Variants in C1QTNF7 observed in about 807,000 individuals in gnomAD.
C1QTNF7 encodes C1q and TNF related 7.
A neutral mutation model predicts 19.6 loss-of-function variants in C1QTNF7; 15 were observed. The ratio of observed to expected loss-of-function variants is 0.76; its 90% CI spans 0.51 to 1.18. C1QTNF7 has a LOEUF of 1.18. Among genes scored for constraint, C1QTNF7 ranks in the 50% most tolerant of loss-of-function variants. The pLI is 0.00. For missense variants in C1QTNF7, 324 were observed against 359.7 expected (o/e 0.90, Z 0.80); for synonymous variants, 142 against 137.5 (o/e 1.03, Z -0.23).
rs1231202027 is a variant in C1QTNF7, at chr4:15,372,408, C to T, written c.13+32201C>T. ...CTGCAAGTCAAGAAGAGAAGCCTCA[C>T]CAGAATCCAACCACGCTGGCACCCA... On this transcript the variant is annotated intron_variant, in intron 1 of 2. Coordinates refer to the C1QTNF7 transcript ENST00000295297. Among the ~76,000 whole-genome samples, 4 of 152,202 alleles carry T rather than the reference C, an allele frequency of 2.6e-5. 1 individual carries two copies. Among genetic ancestry groups the T allele is most frequent in the Admixed American group, 2.0e-4 (3 of 15,278 alleles).
chr4:15,428,746 C>T (rs770212717), intron 1 of C1QTNF7, among the ~76,000 whole-genome samples: 1 of 152,150 alleles, frequency 6.6e-6, no homozygotes, highest in Non-Finnish European at 1.5e-5. Context: ...AGGTCTCCAT[C>T]CTGTCCCAAT....
Position 15,435,806 on chromosome 4 carries a change from T to A in C1QTNF7, c.63T>A (p.Asn21Lys). The A allele has an allele frequency of 6.2e-7, 1 of 1,614,070 alleles. No homozygotes were observed. The highest frequency in any genetic ancestry group is 8.5e-7 in the Non-Finnish European group (1 of 1,180,016). The change falls in exon 2 of 3, where the codon AAT becomes AAA. Residue 21 changes from asparagine to lysine, a missense_variant. Coordinates refer to ENST00000444304, the MANE Select transcript of C1QTNF7 (RefSeq NM_031911.5). ...AICASGQPRG[N>K]QLKGENYSPR... ...GTGCCAGTGGACAACCCCGGGGTAA[T>A]CAGTTGAAAGGAGAGAACTACTCCC... is the stretch of plus-strand genomic sequence containing the variant.
In C1QTNF7 at chr4:15,391,494, T is replaced by C. The variant is rs75718653; in HGVS notation, c.14-44242T>C. ...GGCTATTTCCAAAGAGGGAATTGAGTGTTGGGTAAACAACAAAAGTCAGTG... is the reference window on the plus strand; with the variant it reads ...GGCTATTTCCAAAGAGGGAATTGAGCGTTGGGTAAACAACAAAAGTCAGTG... On this transcript the variant is annotated intron_variant, in intron 1 of 2. Transcript: ENST00000295297. 3.0e-3 allele frequency among the ~76,000 whole-genome samples: 464 copies of C among 152,186 alleles called. 3 individuals are homozygous for C. Among genetic ancestry groups the C allele is most frequent in the African/African-American group, 0.011 (444 of 41,502 alleles).
chr4:15,442,966 C>T lies in C1QTNF7; in HGVS notation c.*167C>T, dbSNP rs562975759. 8 of 616,684 alleles carry T rather than the reference C, an allele frequency of 1.3e-5. No homozygotes were observed. The South Asian group carries it at 2.6e-4, about 20-fold the overall frequency. The allele number at this position is 616,684 out of a possible 1,614,324, so 38.2% of individuals were successfully genotyped here. ...AGATGAAACACAGAAAAGTTGAAAC[C>T]ACAACAAAATGAATTCTATTAAAGA... On this transcript the variant is annotated 3_prime_UTR_variant, in exon 3 of 3. Coordinates refer to ENST00000444304, the MANE Select transcript of C1QTNF7 (RefSeq NM_031911.5).
chr4:15,415,002 A>G (rs1719543486), intron 1 of C1QTNF7, among the ~76,000 whole-genome samples: 1 of 152,240 alleles, frequency 6.6e-6, no homozygotes, highest in Non-Finnish European at 1.5e-5. Context: ...ATAAAACATG[A>G]GTGCGCATAC....
upstream of C1QTNF7, among the ~76,000 whole-genome samples, chr4:15,423,504 C>T (rs1276270338): frequency 6.6e-6 from 1 of 152,206 alleles, no homozygotes; most frequent in East Asian, 1.9e-4. Flanking sequence ...GTCATTTCAG[C>T]TGGTTGAAGT....
At chr4:15,349,635 CTTAAAG>C (rs1716837657) in intron 1 of C1QTNF7, among the ~76,000 whole-genome samples, 1 of 152,188 alleles carries the variant, frequency 6.6e-6, no homozygotes, top group African/African-American at 2.4e-5. Flanking sequence ...CCTTTGCAGA[CTTAAAG>C]TGACCCGTGT....
In C1QTNF7 at chr4:15,443,293, T is replaced by C. The variant is rs1389651983; in HGVS notation, c.*494T>C. The C allele has an allele frequency of 1.3e-5, 2 of 153,742 alleles. No individual in the cohort carries two copies. Among genetic ancestry groups the C allele is most frequent in the African/African-American group, 4.8e-5 (2 of 41,478 alleles). The allele number at this position is 153,742 out of a possible 1,614,324, so 9.5% of individuals were successfully genotyped here. A position where few individuals can be genotyped will look rare whatever the true frequency, so the allele number is the denominator to read the frequency against. On this transcript the variant is annotated 3_prime_UTR_variant, in exon 3 of 3. Coordinates refer to ENST00000444304, the MANE Select transcript of C1QTNF7 (RefSeq NM_031911.5). Reference sequence around the variant, plus strand: ...TAAATGTTTTTTGTTTTATTATTTATTCCTTCATGTTTGTATATATTCACT... The same window carrying C: ...TAAATGTTTTTTGTTTTATTATTTACTCCTTCATGTTTGTATATATTCACT...
intron 1 of C1QTNF7, among the ~76,000 whole-genome samples, chr4:15,348,570 T>C (rs888303406): frequency 1.1e-4 from 16 of 152,070 alleles, no homozygotes; most frequent in African/African-American, 3.6e-4. Context: ...CATCAGTAAA[T>C]AGGCAGGGCA....
chr4:15,380,554 G>T (rs1335029248), intron 1 of C1QTNF7, among the ~76,000 whole-genome samples: 2 of 152,180 alleles, frequency 1.3e-5, no homozygotes, highest in African/African-American at 4.8e-5. Flanking sequence ...CATTTTATTG[G>T]TGAAACTGTG....
intron 1 of C1QTNF7, among the ~76,000 whole-genome samples, chr4:15,350,349 AGGGAGGG>A (rs781283556): frequency 0.12 from 6,389 of 52,430 alleles, 1,629 homozygotes; most frequent in African/African-American, 0.22. Context: ...GGAGGGAGGG[AGGGAGGG>A]AGGAAGGAAA....
intron 1 of C1QTNF7, among the ~76,000 whole-genome samples, chr4:15,430,018 C>T (rs138688867): frequency 2.0e-4 from 30 of 152,272 alleles, no homozygotes; most frequent in African/African-American, 6.5e-4. Flanking sequence ...AATCTTTGTA[C>T]TGAGTTAATC....
intron 1 of C1QTNF7, among the ~76,000 whole-genome samples, chr4:15,347,028 A>G (rs1716743446): frequency 6.6e-6 from 1 of 152,192 alleles, no homozygotes. Flanking sequence ...CCACTTTATT[A>G]CCTACAAAAA....
At chr4:15,372,622 G>A (rs148074845) in intron 1 of C1QTNF7, among the ~76,000 whole-genome samples, 18 of 152,274 alleles carry the variant, frequency 1.2e-4, no homozygotes, top group Non-Finnish European at 2.4e-4. Flanking sequence ...ATAGTGAATG[G>A]AACCATAAAA....
At chr4:15,345,964 G>C (rs1716704133) in intron 1 of C1QTNF7, among the ~76,000 whole-genome samples, 1 of 152,076 alleles carries the variant, frequency 6.6e-6, no homozygotes, top group Non-Finnish European at 1.5e-5. Context: ...TTTAAAACCT[G>C]CACCCTTTCC....
chr4:15,372,576 A>T (rs2109307458), intron 1 of C1QTNF7, among the ~76,000 whole-genome samples: 1 of 152,352 alleles, frequency 6.6e-6, no homozygotes, highest in Admixed American at 6.5e-5. Flanking sequence ...GCAAATCTTA[A>T]ATAACATTCA....
chr4:15,422,186 T>C (rs1711802274), intron 1 of C1QTNF7, among the ~76,000 whole-genome samples: 1 of 139,320 alleles, frequency 7.2e-6, no homozygotes, highest in African/African-American at 2.7e-5. Flanking sequence ...TTAATAATTA[T>C]AATCTAATAA....
At chr4:15,380,442 G>A (rs1718093813) in intron 1 of C1QTNF7, among the ~76,000 whole-genome samples, 1 of 152,180 alleles carries the variant, frequency 6.6e-6, no homozygotes, top group African/African-American at 2.4e-5. Flanking sequence ...GCACCTCCAG[G>A]TATCGAGTTC....
chr4:15,374,705 A>C (rs1181166693), intron 1 of C1QTNF7: 31 of 985,258 alleles, frequency 3.1e-5, no homozygotes, highest in Non-Finnish European at 3.7e-5. Context: ...ATTTTGAGCA[A>C]AAGCTCCACA....
Sources: allele counts gnomAD v4.1 joint callset (sites outside exome capture counted in the v4.1 genomes callset), GRCh38; gene constraint gnomAD v4.1.1; transcripts MANE v1.5; gene names NCBI Gene and HGNC (gene_info 2026-07-23, HGNC 2026-07-21).